The following CNGB1 variants were observed in gnomAD, a reference collection of about 807,000 sequenced individuals.
CNGB1 encodes cyclic nucleotide gated channel subunit beta 1.
CNGB1 carries 126 observed loss-of-function variants against 151.7 expected under a neutral mutation model. That is an observed-to-expected ratio of 0.83 (90% CI 0.72 to 0.96). CNGB1 has a LOEUF of 0.96. CNGB1 is among the 40% of genes least tolerant of loss of function. The pLI, the probability that CNGB1 is intolerant of heterozygous loss-of-function variation, is 0.00. For missense variants in CNGB1, 1,698 were observed against 1,627.0 expected, an observed-to-expected ratio of 1.04 and a Z score of -0.75; for synonymous variants, 623 against 635.1, an observed-to-expected ratio of 0.98 and a Z score of 0.29.
intron 2 of CNGB1, 99 bp downstream of exon 2, chr16:57,967,029 C>A: frequency 2.6e-6 from 4 of 1,567,432 alleles, no homozygotes; most frequent in East Asian, 2.2e-5. Context: ...TGATGCCAAC[C>A]TTTTCTGCTG....
chr16:57,915,164 T>C, intron 23 of CNGB1, 85 bp downstream of exon 23: 1 of 1,095,194 alleles, frequency 9.1e-7, no homozygotes, highest in Non-Finnish European at 1.4e-6. Flanking sequence ...TCCCCAGTGC[T>C]GCTGGGGGCA....
chr16:57,922,427 C>CTTTTTTTTT (rs202188548), intron 18 of CNGB1, among the ~76,000 whole-genome samples: 32 of 142,080 alleles, frequency 2.3e-4, no homozygotes, highest in African/African-American at 8.4e-4. Flanking sequence ...TTCTTTCTTT[C>CTTTTTTTTT]TTTCTTTTTT....
chr16:57,884,886 A>C (rs1959868477), intron 32 of CNGB1, among the ~76,000 whole-genome samples: 1 of 152,106 alleles, frequency 6.6e-6, no homozygotes, highest in African/African-American at 2.4e-5. Flanking sequence ...GAAAAACTCC[A>C]AGCAAACAGG....
rs375526865 is a variant in CNGB1, at chr16:57,884,139, C to T, written c.*25G>A. On this transcript the variant is annotated 3_prime_UTR_variant, in exon 33 of 33. Transcript: ENST00000251102. ...GCTGGGGACACACCTGCTGGAACTG[C>T]GCGCGGGATCCGCCTCACCCCACCT... 6.2e-6 allele frequency: 10 copies of T among 1,613,366 alleles called. No individual in the cohort carries two copies. In the African/African-American group the frequency reaches 1.3e-4, roughly 22 times the overall value.
rs1368483197 is a variant in CNGB1 at position 57,901,206 on chromosome 16, A to G, written c.2976+146T>C. On this transcript the variant is annotated intron_variant, in intron 29 of 32. Coordinates refer to ENST00000251102, the MANE Select transcript of CNGB1 (RefSeq NM_001297.5). Reference sequence around the variant, plus strand: ...TCCTGCTCTTGGGTCTGGTCAGGTCACTGCAGCATGAAGCCGCAGACGCTC... The same window carrying G: ...TCCTGCTCTTGGGTCTGGTCAGGTCGCTGCAGCATGAAGCCGCAGACGCTC... 4 of 826,846 alleles carry G rather than the reference A, an allele frequency of 4.8e-6. No individual in the cohort carries two copies. The East Asian group carries it at 9.8e-5, about 20-fold the overall frequency. The allele number at this position is 826,846 out of a possible 1,614,324, so 51.2% of individuals were successfully genotyped here. A position where few individuals can be genotyped will look rare whatever the true frequency, so the allele number is the denominator to read the frequency against.
chr16:57,902,534 T>G (rs1329093205), intron 27 of CNGB1, among the ~76,000 whole-genome samples: 2 of 152,198 alleles, frequency 1.3e-5, no homozygotes, highest in African/African-American at 4.8e-5. Flanking sequence ...TGAAAACTCC[T>G]GGGCTCAAGC....
chr16:57,966,947 C>T (rs1380378815), intron 2 of CNGB1, among the ~76,000 whole-genome samples, 181 bp downstream of exon 2: 1 of 152,172 alleles, frequency 6.6e-6, no homozygotes, highest in African/African-American at 2.4e-5. Flanking sequence ...TTGGGCAAGC[C>T]CTACCCACTG....
At chr16:57,904,986 C>T in intron 25 of CNGB1, 111 bp from the exon 26 acceptor site, 1 of 1,365,086 alleles carries the variant, frequency 7.3e-7, no homozygotes, top group Non-Finnish European at 1.0e-6. Context: ...AAGACAGAAA[C>T]CCTTTACAGC....
intron 14 of CNGB1, among the ~76,000 whole-genome samples, chr16:57,944,012 C>T (rs1305712535): frequency 7.9e-5 from 12 of 152,008 alleles, no homozygotes; most frequent in Non-Finnish European, 4.4e-5. Context: ...CTCAGCCTCC[C>T]GAGTAGCTGG....
At chr16:57,930,913 G>A (rs1961328664) in intron 17 of CNGB1, among the ~76,000 whole-genome samples, 1 of 152,090 alleles carries the variant, frequency 6.6e-6, no homozygotes, top group East Asian at 1.9e-4. Context: ...TAGAGCTTCA[G>A]TCATGCAAGA....
At chr16:57,944,076 CG>C (rs1330151615) in intron 14 of CNGB1, among the ~76,000 whole-genome samples, 1 of 151,672 alleles carries the variant, frequency 6.6e-6, no homozygotes, top group African/African-American at 2.4e-5. Context: ...TTAGTAGAGT[CG>C]GGGTTTCACC....
chr16:57,965,476 A>T (rs1407127781), intron 2 of CNGB1, among the ~76,000 whole-genome samples: 1 of 152,212 alleles, frequency 6.6e-6, no homozygotes, highest in East Asian at 1.9e-4. Flanking sequence ...CAGGTGCAGA[A>T]ATATGAGTAT....
intron 10 of CNGB1, among the ~76,000 whole-genome samples, chr16:57,959,605 AAAAC>A (rs143332716): frequency 0.54 from 82,464 of 151,438 alleles, 22,953 homozygotes; most frequent in Non-Finnish European, 0.6. Context: ...CGGTCTCAAA[AAAAC>A]AAACAAACAA....
intron 16 of CNGB1, among the ~76,000 whole-genome samples, chr16:57,935,371 A>G (rs1316430122): frequency 6.6e-6 from 1 of 152,198 alleles, no homozygotes; most frequent in Admixed American, 6.5e-5. Context: ...TGAAAGAAAA[A>G]TAGTAAGCAA....
At chr16:57,951,124 TG>T (rs1961939049) in intron 12 of CNGB1, among the ~76,000 whole-genome samples, 1 of 152,154 alleles carries the variant, frequency 6.6e-6, no homozygotes, top group African/African-American at 2.4e-5. Context: ...CAATTTCAGA[TG>T]GGAGTCTAAT....
intron 10 of CNGB1, among the ~76,000 whole-genome samples, 195 bp from the exon 11 acceptor site, chr16:57,958,680 C>T (rs1223499558): frequency 2.6e-5 from 4 of 152,132 alleles, no homozygotes; most frequent in African/African-American, 4.8e-5. Flanking sequence ...GGCTATTGTT[C>T]AGGCCCTAGC....
chr16:57,923,538 G>A (rs1161439904), intron 17 of CNGB1, among the ~76,000 whole-genome samples, 158 bp from the exon 18 acceptor site: 1 of 152,088 alleles, frequency 6.6e-6, no homozygotes, highest in African/African-American at 2.4e-5. Flanking sequence ...CCTGGAGGGA[G>A]GGAAAACGGC....
chr16:57,904,189 G>A (rs1960472603), intron 26 of CNGB1, among the ~76,000 whole-genome samples: 1 of 152,142 alleles, frequency 6.6e-6, no homozygotes, highest in South Asian at 2.1e-4. Flanking sequence ...GGAAGAGGAA[G>A]GGAGGGAGAC....
chr16:57,964,077 A>C, intron 4 of CNGB1, 53 bp downstream of exon 4: 2 of 1,548,884 alleles, frequency 1.3e-6, no homozygotes, highest in Non-Finnish European at 1.8e-6. Flanking sequence ...CCTAGCTGGG[A>C]GGGTAGTTGG....
Sources: gnomAD v4.1 joint callset for allele counts (sites outside exome capture counted in the v4.1 genomes callset) on GRCh38, gnomAD v4.1.1 for gene constraint, MANE v1.5 for transcripts, NCBI Gene and HGNC (gene_info 2026-07-23, HGNC 2026-07-21) for gene names.